The following RTEL1 variants were observed in gnomAD, a reference collection of about 807,000 sequenced individuals.
RTEL1 encodes regulator of telomere length.
Under a neutral mutation model 162.2 loss-of-function variants are expected in RTEL1, and 86 were observed. That is an observed-to-expected ratio of 0.53 (90% CI 0.45 to 0.63). The LOEUF (loss-of-function observed/expected upper bound fraction) is 0.63. RTEL1 is among the 30% of genes least tolerant of loss of function. The probability of loss-of-function intolerance (pLI) is 0.00; values close to 1 mark genes in which losing one functional copy is unlikely to be tolerated. For synonymous variants in RTEL1, 958 were observed against 717.9 expected (o/e 1.33, Z -5.35); for missense variants, 1,941 against 1,750.2 (o/e 1.11, Z -1.95).
Position 63,662,382 on chromosome 20 carries a change from C to T in RTEL1, c.396-164C>T, listed in dbSNP as rs534337623. On this transcript the variant is annotated intron_variant, in intron 4 of 34. Coordinates refer to ENST00000360203, the MANE Select transcript of RTEL1 (RefSeq NM_001283009.2). ...ATCTCCTCCCTCTGTCCAGTACCCC[C>T]GCTCGTCTTCTAGCTCCCTCCTACG... 32 of 1,429,704 alleles carry T rather than the reference C, an allele frequency of 2.2e-5. 1 individual carries two copies. Among genetic ancestry groups the T allele is most frequent in the African/African-American group, 5.6e-5 (4 of 70,908 alleles). The allele number at this position is 1,429,704 out of a possible 1,614,324, so 88.6% of individuals were successfully genotyped here.
rs766412088 is a variant in RTEL1, at chr20:63,694,866, C to T, written c.3235C>T (p.Leu1079Phe). Residue 1079 changes from leucine (L) to phenylalanine (F), a missense_variant, in exon 32 of 35, where the codon CTC becomes TTC. By Grantham distance (22) the Leu-to-Phe change is conservative (BLOSUM62 0). Coordinates refer to ENST00000360203, the MANE Select transcript of RTEL1 (RefSeq NM_001283009.2). Reference sequence around the variant, plus strand: ...CCTGGGGTCCGCGGGCTGTAGCCAACTCTTGGCAGCGCTGACAGCCTATAA... The same window carrying T: ...CCTGGGGTCCGCGGGCTGTAGCCAATTCTTGGCAGCGCTGACAGCCTATAA... ...RALGSAGCSQLLAALTAYKQD... is the reference protein window; with the variant it reads ...RALGSAGCSQFLAALTAYKQD... The T allele has an allele frequency of 4.3e-6, 7 of 1,612,550 alleles. No homozygotes were observed. Among genetic ancestry groups the T allele is most frequent in the Non-Finnish European group, 5.9e-6 (7 of 1,179,880 alleles).
Position 63,689,626 on chromosome 20 carries a change from G to A in RTEL1, c.2003G>A (p.Gly668Asp). 5.0e-6 allele frequency: 8 copies of A among 1,612,208 alleles called. No homozygotes were observed. The highest frequency in any genetic ancestry group is 6.8e-6 in the Non-Finnish European group (8 of 1,179,596). The change falls in exon 23 of 35, where the codon GGC becomes GAC. Residue 668 changes from glycine to aspartate, a missense_variant. Physicochemically the swap from Gly to Asp is moderately conservative, Grantham distance 94 (BLOSUM62 -1). Transcript: ENST00000360203. ...LKMQFLDEMK[G>D]QGGAGGQFLS... ...ATGCAGTTCCTGGATGAGATGAAGG[G>A]CCAGGGTGGGGCTGGGGGCCAGGTG...
chr20:63,680,623 C>T (rs1253377745), intron 13 of RTEL1, 41 bp from the exon 14 acceptor site: 1 of 1,608,970 alleles, frequency 6.2e-7, no homozygotes, highest in African/African-American at 1.3e-5. Context: ...CGGGGCCTCC[C>T]CTGCCTGCAG....
chr20:63,672,569 A>G lies in RTEL1; in HGVS notation c.713A>G (p.His238Arg), dbSNP rs1304736320. Residue 238 changes from histidine (H) to arginine (R), a missense_variant, in exon 9 of 35, where the codon CAC becomes CGC. His to Arg is a conservative substitution (Grantham distance 29, BLOSUM62 0). Transcript: ENST00000360203. ...YLLDAKSRRA[H>R]NIDLKGTVVI... is the part of the protein sequence containing the mutation. ...TTCCTCCTGTAGAGCCGCAGAGCAC[A>G]CAACATTGACCTGAAGGGGACAGTC... is the stretch of plus-strand genomic sequence containing the variant. 3 of 1,583,778 alleles carry G rather than the reference A, an allele frequency of 1.9e-6. No individual in the cohort carries two copies. In the South Asian group the frequency reaches 3.5e-5, roughly 18 times the overall value.
intron 14 of RTEL1, among the ~76,000 whole-genome samples, chr20:63,683,450 C>T (rs918101498): frequency 5.3e-5 from 8 of 152,308 alleles, no homozygotes; most frequent in South Asian, 2.1e-4. Context: ...AAGGAAGGAA[C>T]GGAAGGAAAT....
At chr20:63,659,974 T>C (rs2089985590) in intron 2 of RTEL1, among the ~76,000 whole-genome samples, 1 of 151,734 alleles carries the variant, frequency 6.6e-6, no homozygotes, top group South Asian at 2.1e-4. Flanking sequence ...GGGTCACAAA[T>C]AAGTTCAAGG....
intron 12 of RTEL1, 128 bp downstream of exon 12, chr20:63,678,474 C>A: frequency 1.2e-6 from 1 of 863,494 alleles, no homozygotes; most frequent in Non-Finnish European, 1.8e-6. Flanking sequence ...CTTTTTGAGA[C>A]CTGGGAGGAG....
At chr20:63,685,490 T>G (rs1474386173) in intron 14 of RTEL1, 33 bp from the exon 15 acceptor site, 2 of 1,606,642 alleles carry the variant, frequency 1.2e-6, no homozygotes, top group Non-Finnish European at 1.7e-6. Flanking sequence ...GGCCTCAGGC[T>G]CCTGACGGGG....
chr20:63,675,701 T>C (rs2090334959), intron 10 of RTEL1, among the ~76,000 whole-genome samples: 1 of 151,668 alleles, frequency 6.6e-6, no homozygotes, highest in Non-Finnish European at 1.5e-5. Flanking sequence ...ACGCAGGGAG[T>C]TGCAGTGGGG....
At chr20:63,675,974 GT>G (rs1437183114) in intron 10 of RTEL1, among the ~76,000 whole-genome samples, 3 of 152,246 alleles carry the variant, frequency 2.0e-5, no homozygotes, top group Admixed American at 1.3e-4. Context: ...GTTACTTGAT[GT>G]GCAGGGCTTT....
intron 30 of RTEL1, among the ~76,000 whole-genome samples, chr20:63,693,647 C>T (rs1364265005): frequency 6.8e-6 from 1 of 146,584 alleles, no homozygotes; most frequent in African/African-American, 2.5e-5. Context: ...CCACCACCTC[C>T]ACCTCCACCA....
rs775224431 is a variant in RTEL1, at chr20:63,678,349, G to A, written c.1037+3G>A. Reference sequence around the variant, plus strand: ...AGCGGTGTCACCAAGCCAGGGAGGTGAGAGGCGGGGAGCCAGCCCCTTCAC... The same window carrying A: ...AGCGGTGTCACCAAGCCAGGGAGGTAAGAGGCGGGGAGCCAGCCCCTTCAC... On this transcript the variant is annotated splice_donor_region_variant and intron_variant, in intron 12 of 34. Coordinates refer to ENST00000360203, the MANE Select transcript of RTEL1 (RefSeq NM_001283009.2). 1 of 1,606,590 alleles carries A rather than the reference G, an allele frequency of 6.2e-7. No individual in the cohort carries two copies. The highest frequency in any genetic ancestry group is 8.5e-7 in the Non-Finnish European group (1 of 1,178,086).
rs199796539 is a variant in RTEL1 at position 63,688,603 on chromosome 20, G to A, written c.1798G>A (p.Glu600Lys). 1.6e-5 allele frequency: 26 copies of A among 1,605,970 alleles called. No homozygotes were observed. The highest frequency in any genetic ancestry group is 8.9e-5 in the East Asian group (4 of 44,696). ...VEPRSKGSFS[E>K]TISAYYARVA... ...GCCCAGGAGCAAAGGCAGCTTCTCC[G>A]AGGTCGGCACTTGGCCGGGGCTCTG... Residue 600 changes from glutamate to lysine, a missense_variant and splice_region_variant, in exon 21 of 35, where the codon GAG becomes AAG. Coordinates refer to ENST00000360203, the MANE Select transcript of RTEL1 (RefSeq NM_001283009.2).
intron 14 of RTEL1, chr20:63,681,498 A>C: frequency 3.0e-6 from 3 of 984,850 alleles, no homozygotes; most frequent in Non-Finnish European, 3.6e-6. Flanking sequence ...AGGGTTAGGC[A>C]GGGCTGCCCA....
chr20:63,685,456 G>A (rs1378401728), intron 14 of RTEL1, 67 bp from the exon 15 acceptor site: 14 of 1,513,110 alleles, frequency 9.3e-6, no homozygotes, highest in Admixed American at 3.7e-5. Context: ...CTGTGTATGC[G>A]GCTGATGCTG....
intron 14 of RTEL1, chr20:63,681,720 G>A: frequency 2.0e-6 from 2 of 985,322 alleles, no homozygotes; most frequent in South Asian, 4.7e-5. Flanking sequence ...GGTGGGCACA[G>A]GGTGGTGGGG....
chr20:63,687,608 CTG>C (rs2090626382), intron 16 of RTEL1, 28 bp from the exon 17 acceptor site: 1 of 1,581,986 alleles, frequency 6.3e-7, no homozygotes, highest in African/African-American at 1.3e-5. Context: ...TCCTCACACT[CTG>C]TGCCCTCTGC....
In RTEL1 at chr20:63,691,812, A is replaced by G. The variant is rs1235219225; in HGVS notation, c.2627A>G (p.Lys876Arg). ...RPAEEPRGGR[K>R]KIRLVSHPEE... is the part of the protein sequence containing the mutation. Reference sequence around the variant, plus strand: ...GCAGAAGAACCGCGAGGAGGGAGGAAGAAGATCCGGCTGGTCAGCCACCCG... The same window carrying G: ...GCAGAAGAACCGCGAGGAGGGAGGAGGAAGATCCGGCTGGTCAGCCACCCG... Residue 876 changes from lysine (K) to arginine (R), a missense_variant, in exon 28 of 35, where the codon AAG (lysine) becomes AGG (arginine). Lys to Arg is a conservative substitution (Grantham distance 26). Transcript: ENST00000360203. 1 of 1,611,818 alleles carries G rather than the reference A, an allele frequency of 6.2e-7. No individual in the cohort carries two copies. The highest frequency in any genetic ancestry group is 8.5e-7 in the Non-Finnish European group (1 of 1,179,750).
At chr20:63,679,228 G>C (rs369966212) in intron 12 of RTEL1, among the ~76,000 whole-genome samples, 47 of 152,310 alleles carry the variant, frequency 3.1e-4, no homozygotes, top group African/African-American at 1.1e-3. Flanking sequence ...CACAGCCGCC[G>C]AGGTGGAGCG....
Sources: allele counts gnomAD v4.1 joint callset (sites outside exome capture counted in the v4.1 genomes callset), GRCh38; gene constraint gnomAD v4.1.1; transcripts MANE v1.5; gene names NCBI Gene and HGNC (gene_info 2026-07-23, HGNC 2026-07-21).